CTNND2: variants seen among roughly 807,000 people sequenced by gnomAD.
The protein encoded by CTNND2 is catenin delta 2.
CTNND2 carries 22 observed loss-of-function variants against 144.4 expected under a neutral mutation model. That is an observed-to-expected ratio of 0.15 (90% CI 0.11 to 0.22). The LOEUF is 0.22. Among genes scored for constraint, CTNND2 ranks in the 10% least tolerant of loss-of-function variants. CTNND2 has a pLI of 1.00. For synonymous variants in CTNND2, 751 were observed against 695.6 expected (o/e 1.08, Z -1.25); for missense variants, 1,353 against 1,618.8 (o/e 0.84, Z 2.82).
At chr5:11,885,340 T>C (rs73052549) in intron 1 of CTNND2, among the ~76,000 whole-genome samples, 1,826 of 152,256 alleles carry the variant, frequency 0.012, 36 homozygotes, top group African/African-American at 0.042. Flanking sequence ...CATTATTTGT[T>C]ATTGGTCTGT....
At chr5:11,143,280 C>T (rs888897047) in intron 12 of CTNND2, among the ~76,000 whole-genome samples, 23 of 152,162 alleles carry the variant, frequency 1.5e-4, no homozygotes, top group Admixed American at 1.4e-3. Context: ...CACCCCTGTA[C>T]TAGTTTGCTA....
At chr5:11,146,190 C>G (rs546158616) in intron 12 of CTNND2, among the ~76,000 whole-genome samples, 1 of 152,274 alleles carries the variant, frequency 6.6e-6, no homozygotes, top group East Asian at 1.9e-4. Flanking sequence ...TAGCAAAGTC[C>G]TGGGCACATA....
intron 9 of CTNND2, among the ~76,000 whole-genome samples, chr5:11,275,175 C>G (rs1000966989): frequency 2.6e-5 from 4 of 152,144 alleles, no homozygotes; most frequent in Non-Finnish European, 5.9e-5. Flanking sequence ...AATTCTCACA[C>G]AATGCTATGG....
intron 10 of CTNND2, among the ~76,000 whole-genome samples, chr5:11,216,515 G>A (rs1447767111): frequency 2.0e-5 from 3 of 152,190 alleles, no homozygotes; most frequent in Non-Finnish European, 4.4e-5. Flanking sequence ...AGGAATGCAA[G>A]AAGCCTCTAG....
At chr5:11,698,023 G>T (rs971508244) in intron 2 of CTNND2, among the ~76,000 whole-genome samples, 2 of 152,140 alleles carry the variant, frequency 1.3e-5, no homozygotes, top group Non-Finnish European at 2.9e-5. Context: ...GAGAGTTACA[G>T]TCAGATTTAA....
At chr5:11,350,947 G>A (rs1755272956) in intron 8 of CTNND2, among the ~76,000 whole-genome samples, 1 of 152,058 alleles carries the variant, frequency 6.6e-6, no homozygotes, top group Non-Finnish European at 1.5e-5. Flanking sequence ...TAAGAATTTT[G>A]AAATCAATCA....
intron 3 of CTNND2, among the ~76,000 whole-genome samples, chr5:11,488,460 CCATTA>C (rs1310174704): frequency 6.6e-6 from 1 of 152,092 alleles, no homozygotes; most frequent in Non-Finnish European, 1.5e-5. Flanking sequence ...AAATGCGGTT[CCATTA>C]CATATTTTAC....
At chr5:11,266,702 G>A (rs752547763) in intron 9 of CTNND2, among the ~76,000 whole-genome samples, 32 of 152,258 alleles carry the variant, frequency 2.1e-4, no homozygotes, top group Non-Finnish European at 4.3e-4. Context: ...AATTCAGACT[G>A]CAAGAGAGAA....
intron 2 of CTNND2, among the ~76,000 whole-genome samples, chr5:11,709,070 GA>G (rs1785879719): frequency 6.6e-6 from 1 of 152,196 alleles, no homozygotes; most frequent in African/African-American, 2.4e-5. Flanking sequence ...TAAGATTGAA[GA>G]ATGGCAGTGC....
chr5:11,547,581 A>T (rs992245131), intron 3 of CTNND2, among the ~76,000 whole-genome samples: 1 of 152,132 alleles, frequency 6.6e-6, no homozygotes, highest in Non-Finnish European at 1.5e-5. Context: ...AAGACAAACC[A>T]CCAATAGAAA....
rs547867030 is a variant in CTNND2, at chr5:11,261,126, G to A, written c.1629-24303C>T. 2.0e-5 allele frequency among the ~76,000 whole-genome samples: 3 copies of A among 152,212 alleles called. No homozygotes were observed. In the East Asian group the frequency reaches 5.8e-4, roughly 29 times the overall value. ...TGAATTTATACTTCACCTTGGCCCA[G>A]AAAGGACTTGGTGGGGGTTTCCTCT... is the stretch of plus-strand genomic sequence containing the variant. On this transcript the variant is annotated intron_variant, in intron 9 of 21. Transcript: ENST00000304623.
chr5:11,437,419 GA>G (rs1447298831), intron 3 of CTNND2, among the ~76,000 whole-genome samples: 2 of 152,204 alleles, frequency 1.3e-5, no homozygotes, highest in Non-Finnish European at 2.9e-5. Context: ...CCAGATGCAT[GA>G]GAATCCAGCA....
chr5:11,796,145 T>C (rs1387893178), intron 1 of CTNND2, among the ~76,000 whole-genome samples: 2 of 152,216 alleles, frequency 1.3e-5, no homozygotes, highest in Non-Finnish European at 2.9e-5. Context: ...TGATTCTATG[T>C]GGCCCGAGAG....
intron 2 of CTNND2, among the ~76,000 whole-genome samples, chr5:11,576,527 T>C (rs1647831377): frequency 6.6e-6 from 1 of 151,940 alleles, no homozygotes; most frequent in Non-Finnish European, 1.5e-5. Flanking sequence ...ATGTAAAACT[T>C]TTCAGAGTGA....
intron 18 of CTNND2, among the ~76,000 whole-genome samples, chr5:10,996,128 C>T (rs754552676): frequency 5.3e-5 from 8 of 152,112 alleles, no homozygotes; most frequent in African/African-American, 1.7e-4. Context: ...GGTCAGCATC[C>T]GTGTGTGCCT....
intron 3 of CTNND2, among the ~76,000 whole-genome samples, chr5:11,498,356 C>T (rs1770192215): frequency 6.6e-6 from 1 of 152,102 alleles, no homozygotes; most frequent in South Asian, 2.1e-4. Flanking sequence ...GGAGTCAGTG[C>T]AGCATGGGAA....
intron 21 of CTNND2, 121 bp downstream of exon 21, chr5:10,981,652 G>A: frequency 1.1e-6 from 1 of 895,804 alleles, no homozygotes. Context: ...GGGCCTCAGG[G>A]GACGTTGCCT....
At chr5:11,063,659 A>T (rs1747238148) in intron 16 of CTNND2, among the ~76,000 whole-genome samples, 1 of 152,202 alleles carries the variant, frequency 6.6e-6, no homozygotes, top group African/African-American at 2.4e-5. Context: ...TTGTTGAAGA[A>T]GATGATGTTG....
At chr5:11,372,519 C>T (rs1029005393) in intron 7 of CTNND2, among the ~76,000 whole-genome samples, 23 of 152,082 alleles carry the variant, frequency 1.5e-4, no homozygotes, top group African/African-American at 1.4e-4. Flanking sequence ...CCCTCATGCA[C>T]GGCTTCAACT....
Sources: allele counts gnomAD v4.1 joint callset (sites outside exome capture counted in the v4.1 genomes callset), GRCh38; gene constraint gnomAD v4.1.1; transcripts MANE v1.5; gene names NCBI Gene and HGNC (gene_info 2026-07-23, HGNC 2026-07-21).